Variants in TRPC3 observed in about 807,000 individuals in gnomAD.
TRPC3 encodes short transient receptor potential channel 3.
In TRPC3, 54 loss-of-function variants were observed where a neutral mutation model predicts 90.9. The observed-to-expected ratio is 0.59, with a 90% CI of 0.48 to 0.75. The LOEUF (loss-of-function observed/expected upper bound fraction) is 0.75, where lower values mean the gene tolerates loss of function less well. Ranked by LOEUF, TRPC3 falls within the 30% of genes least tolerant of loss-of-function variation. The pLI is 0.00. For synonymous variants in TRPC3, 424 were observed against 450.9 expected (o/e 0.94, Z 0.75); for missense variants, 918 against 1,194.5 (o/e 0.77, Z 3.41).
chr4:121,897,453 C>CAAAAAAAAAAAAAAAAAAAAAAAAA (rs70950860), intron 10 of TRPC3, among the ~76,000 whole-genome samples: 1 of 43,420 alleles, frequency 2.3e-5, no homozygotes, highest in Non-Finnish European at 4.0e-5. Flanking sequence ...ATCTCAACAG[C>CAAAAAAAAAAAAAAAAAAAAAAAAA]AAAAAAAAAA....
intron 3 of TRPC3, among the ~76,000 whole-genome samples, chr4:121,921,953 C>T (rs1269767723): frequency 4.2e-5 from 6 of 143,230 alleles, no homozygotes; most frequent in African/African-American, 1.3e-4. Context: ...GAGTCTCGCT[C>T]TGTCGCCCAG....
chr4:121,918,960 T>C (rs1257185950), intron 3 of TRPC3, among the ~76,000 whole-genome samples: 1 of 152,220 alleles, frequency 6.6e-6, no homozygotes, highest in East Asian at 1.9e-4. Context: ...CTTATGTCAC[T>C]ACACCAGTTA....
intron 1 of TRPC3, among the ~76,000 whole-genome samples, chr4:121,936,848 C>CT (rs1426927327): frequency 6.6e-6 from 1 of 152,022 alleles, no homozygotes; most frequent in African/African-American, 2.4e-5. Flanking sequence ...CTGTGTGTGT[C>CT]TTTTTTTTAA....
chr4:121,911,890 C>T lies in TRPC3; in HGVS notation c.1545G>A (p.Met515Ile), dbSNP rs1307681591. ...TQFTWTEMLI[M>I]VWVLGMMWSE... ...TAAAAGACTTACCAAGAACCCAGAC[C>T]ATAATTAGCATTTCAGTCCATGTAA... The change falls in exon 5 of 12, where the codon ATG (methionine) becomes ATA (isoleucine). Residue 515 changes from methionine (M) to isoleucine (I), a missense_variant. By Grantham distance (10) the Met-to-Ile change is conservative (BLOSUM62 1). Coordinates refer to ENST00000379645, the MANE Select transcript of TRPC3 (RefSeq NM_001130698.2). 1.2e-6 allele frequency: 2 copies of T among 1,612,490 alleles called. No homozygotes were observed. Among genetic ancestry groups the T allele is most frequent in the Admixed American group, 3.3e-5 (2 of 59,916 alleles).
chr4:121,898,967 G>A (rs1728611795), intron 10 of TRPC3, among the ~76,000 whole-genome samples: 1 of 152,164 alleles, frequency 6.6e-6, no homozygotes, highest in South Asian at 2.1e-4. Flanking sequence ...ACGCAGTAAC[G>A]GACATCACCA....
At chr4:121,921,366 CAAA>C (rs1427260221) in intron 3 of TRPC3, among the ~76,000 whole-genome samples, 1 of 150,978 alleles carries the variant, frequency 6.6e-6, no homozygotes, top group Non-Finnish European at 1.5e-5. Flanking sequence ...ACTAAAAATA[CAAA>C]AAATTAGCCG....
At chr4:121,930,685 T>C (rs1467359050) in intron 2 of TRPC3, 3 of 273,382 alleles carry the variant, frequency 1.1e-5, no homozygotes, top group African/African-American at 7.0e-5. Context: ...TTGTGTGGCA[T>C]TTGAAATAGT....
chr4:121,885,946 T>A (rs1355250589), intron 10 of TRPC3, among the ~76,000 whole-genome samples: 1 of 152,174 alleles, frequency 6.6e-6, no homozygotes, highest in African/African-American at 2.4e-5. Flanking sequence ...TAAAGACTAT[T>A]GATTTTCTCT....
intron 11 of TRPC3, among the ~76,000 whole-genome samples, chr4:121,881,900 C>T (rs545028155): frequency 6.8e-4 from 103 of 152,204 alleles, no homozygotes; most frequent in African/African-American, 2.1e-3. Flanking sequence ...TCAAAAGAGA[C>T]GCACCAGACA....
chr4:121,912,225 T>C (rs999115619), intron 4 of TRPC3, 132 bp from the exon 5 acceptor site: 34 of 688,376 alleles, frequency 4.9e-5, no homozygotes, highest in Non-Finnish European at 6.9e-5. Flanking sequence ...CAAAAAGCTT[T>C]ATATTATGAA....
chr4:121,911,904 C>T lies in TRPC3; in HGVS notation c.1531G>A (p.Glu511Lys). 1 of 1,613,538 alleles carries T rather than the reference C, an allele frequency of 6.2e-7. No homozygotes were observed. The highest frequency in any genetic ancestry group is 8.5e-7 in the Non-Finnish European group (1 of 1,179,658). ...RVKTTQFTWT[E>K]MLIMVWVLGM... ...AGAACCCAGACCATAATTAGCATTT[C>T]AGTCCATGTAAACTGGGTGGTTTTC... is the stretch of plus-strand genomic sequence containing the variant. The change falls in exon 5 of 12, where the codon GAA becomes AAA. Residue 511 changes from glutamate to lysine, a missense_variant. Glu to Lys is a moderately conservative substitution (Grantham distance 56). This residue lies in a region of TRPC3 where 609 missense variants were observed against 725.9 expected (regional missense o/e 0.84). Coordinates refer to ENST00000379645, the MANE Select transcript of TRPC3 (RefSeq NM_001130698.2).
Position 121,883,946 on chromosome 4 carries a change from A to T in TRPC3, c.2548-1517T>A, listed in dbSNP as rs142745243. 1.1e-3 allele frequency among the ~76,000 whole-genome samples: 172 copies of T among 152,300 alleles called. 1 individual carries two copies. Among genetic ancestry groups the T allele is most frequent in the African/African-American group, 3.9e-3 (164 of 41,570 alleles). ...CCACTTCTCAGTAAAAGGCCTAGAGAAACTTTGTAGGTATGAACCAAGAGA... is the reference window on the plus strand; with the variant it reads ...CCACTTCTCAGTAAAAGGCCTAGAGTAACTTTGTAGGTATGAACCAAGAGA... On this transcript the variant is annotated intron_variant, in intron 10 of 11. Transcript: ENST00000379645.
At chr4:121,945,177 C>T (rs770622684) in intron 1 of TRPC3, among the ~76,000 whole-genome samples, 8 of 152,180 alleles carry the variant, frequency 5.3e-5, no homozygotes, top group Non-Finnish European at 1.0e-4. Context: ...TTAATAAGAT[C>T]AGTTACGAGT....
intron 10 of TRPC3, among the ~76,000 whole-genome samples, chr4:121,887,658 C>A (rs1254185550): frequency 1.3e-5 from 2 of 152,180 alleles, no homozygotes; most frequent in Admixed American, 1.3e-4. Context: ...TCTGTGAAAG[C>A]AGATCTGCCA....
At chr4:121,886,049 C>T (rs1161692879) in intron 10 of TRPC3, among the ~76,000 whole-genome samples, 1 of 152,106 alleles carries the variant, frequency 6.6e-6, no homozygotes, top group Non-Finnish European at 1.5e-5. Context: ...TTCAAACAGT[C>T]CTTCCTGCAA....
At chr4:121,912,990 C>T (rs1198294099) in intron 4 of TRPC3, among the ~76,000 whole-genome samples, 2 of 152,150 alleles carry the variant, frequency 1.3e-5, no homozygotes, top group South Asian at 4.1e-4. Flanking sequence ...TGTCTGTGAC[C>T]TTATAAAGTA....
chr4:121,922,631 G>A (rs187561622), intron 3 of TRPC3, among the ~76,000 whole-genome samples: 93 of 135,816 alleles, frequency 6.8e-4, no homozygotes, highest in Admixed American at 1.7e-3. Flanking sequence ...GTGTAGATGA[G>A]GTGTCTCTGC....
chr4:121,944,622 A>G (rs1730428153), intron 1 of TRPC3, among the ~76,000 whole-genome samples: 1 of 152,172 alleles, frequency 6.6e-6, no homozygotes, highest in South Asian at 2.1e-4. Context: ...TCACCTCTTT[A>G]ATATTAATAA....
At position 121,933,011 on chromosome 4, in the gene TRPC3, T is replaced by C. The variant is rs199943274; in HGVS notation, c.247A>G (p.Met83Val). The C allele has an allele frequency of 4.4e-6, 7 of 1,600,390 alleles. No homozygotes were observed. In the South Asian group the frequency reaches 5.6e-5, roughly 13 times the overall value. Reference sequence around the variant, plus strand: ...CGGCCCTTCTCCCGCATCACTGTCATGCGTCTCAGGGATGGGCTTCCCTCC... The same window carrying C: ...CGGCCCTTCTCCCGCATCACTGTCACGCGTCTCAGGGATGGGCTTCCCTCC... ...SMEGSPSLRR[M>V]TVMREKGRRQ... is the part of the protein sequence containing the mutation. The change falls in exon 2 of 12, where the codon ATG becomes GTG. Residue 83 changes from methionine to valine, a missense_variant. By Grantham distance (21) the Met-to-Val change is conservative (BLOSUM62 1). Around this residue, in one of 4 missense-constraint regions of TRPC3, gnomAD observed 609 missense variants for 725.9 expected, o/e 0.84. Coordinates refer to ENST00000379645, the MANE Select transcript of TRPC3 (RefSeq NM_001130698.2).
Sources: gnomAD v4.1 joint callset for allele counts (sites outside exome capture counted in the v4.1 genomes callset) on GRCh38, gnomAD v4.1.1 for gene constraint, gnomAD v4.1.1 regional missense constraint, MANE v1.5 for transcripts, NCBI Gene and HGNC (gene_info 2026-07-23, HGNC 2026-07-21) for gene names.